The following FGL2 variants were observed in gnomAD, a reference collection of about 807,000 sequenced individuals.
FGL2 encodes fibrinogen like 2.
In FGL2, 21 loss-of-function variants were observed where a neutral mutation model predicts 36.0. The ratio of observed to expected loss-of-function variants is 0.58; its 90% CI spans 0.41 to 0.84. FGL2 has a LOEUF of 0.84. Among genes scored for constraint, FGL2 ranks in the 40% least tolerant of loss-of-function variants. FGL2 has a pLI of 0.00. For missense variants in FGL2, 444 were observed against 526.3 expected (o/e 0.84, Z 1.53); for synonymous variants, 183 against 190.7 (o/e 0.96, Z 0.33).
chr7:77,199,200 T>A lies in FGL2; in HGVS notation c.594A>T (p.Glu198Asp). 6.2e-7 allele frequency: 1 copy of A among 1,613,888 alleles called. No homozygotes were observed. Among genetic ancestry groups the A allele is most frequent in the Non-Finnish European group, 8.5e-7 (1 of 1,179,860 alleles). The change falls in exon 1 of 2, where the codon GAA (glutamate) becomes GAT (aspartate). Residue 198 changes from glutamate (E) to aspartate (D), a missense_variant. Transcript: ENST00000248598. ...DGKCSKCPSQEQIQSRPVQHL... is the reference protein window; with the variant it reads ...DGKCSKCPSQDQIQSRPVQHL... ...ACATACCTGGACGTGACTGTATTTG[T>A]TCTTGGCTGGGACACTTTGAACATT... is the stretch of plus-strand genomic sequence containing the variant.
At chr7:77,197,040 T>C (rs1219085196) in intron 1 of FGL2, 55 bp from the exon 2 acceptor site, 11 of 1,058,696 alleles carry the variant, frequency 1.0e-5, no homozygotes, top group African/African-American at 3.2e-5. Context: ...ACCATGCATC[T>C]GAAGAATTCT....
Position 77,199,800 on chromosome 7 carries a change from A to G in FGL2, c.-7T>C. Reference sequence around the variant, plus strand: ...ACCAGTTAGCCAGCTTCATCTTTACAGTGCTGCTCACCCCAGCAGGGAGTG... The same window carrying G: ...ACCAGTTAGCCAGCTTCATCTTTACGGTGCTGCTCACCCCAGCAGGGAGTG... On this transcript the variant is annotated 5_prime_UTR_variant, in exon 1 of 2. Transcript: ENST00000248598. 2 of 1,611,848 alleles carry G rather than the reference A, an allele frequency of 1.2e-6. No individual in the cohort carries two copies. Among genetic ancestry groups the G allele is most frequent in the Non-Finnish European group, 1.7e-6 (2 of 1,178,528 alleles).
In FGL2 at chr7:77,195,064, A is replaced by G. The variant is rs1791839891; in HGVS notation, c.*1215T>C. 6.6e-6 allele frequency: 1 copy of G among 152,174 alleles called. No homozygotes were observed. Among genetic ancestry groups the G allele is most frequent in the African/African-American group, 2.4e-5 (1 of 41,456 alleles). The allele number at this position is 152,174 out of a possible 1,614,324, so 9.4% of individuals were successfully genotyped here. ...CTGTCCTAGAGAAACTTAGCCTTCT[A>G]TGAAGTGAATCACTTAATGATATTA... is the stretch of plus-strand genomic sequence containing the variant. On this transcript the variant is annotated 3_prime_UTR_variant, in exon 2 of 2. Coordinates refer to ENST00000248598, the MANE Select transcript of FGL2 (RefSeq NM_006682.3).
At position 77,199,203 on chromosome 7, in the gene FGL2, T is replaced by G. The variant is rs1036940273; in HGVS notation, c.591A>C (p.Gln197His). 6.2e-7 allele frequency: 1 copy of G among 1,613,922 alleles called. No individual in the cohort carries two copies. The highest frequency in any genetic ancestry group is 8.5e-7 in the Non-Finnish European group (1 of 1,179,876). The change falls in exon 1 of 2, where the codon CAA becomes CAC. Residue 197 changes from glutamine to histidine, a missense_variant. Physicochemically the swap from Gln to His is conservative, Grantham distance 24. Coordinates refer to ENST00000248598, the MANE Select transcript of FGL2 (RefSeq NM_006682.3). ...LDGKCSKCPS[Q>H]EQIQSRPVQH... The stretch of plus-strand genomic sequence containing the variant: ...TACCTGGACGTGACTGTATTTGTTC[T>G]TGGCTGGGACACTTTGAACATTTGC...
Position 77,194,959 on chromosome 7 carries a change from A to G in FGL2, c.*1320T>C, listed in dbSNP as rs1293716269. ...CTATCTTTTAGTTTCTGATAGTAAA[A>G]TAAGCAATCTACCAGCCAGGGTTGA... On this transcript the variant is annotated 3_prime_UTR_variant, in exon 2 of 2. Coordinates refer to ENST00000248598, the MANE Select transcript of FGL2 (RefSeq NM_006682.3). 6.6e-6 allele frequency: 1 copy of G among 152,202 alleles called. No homozygotes were observed. 9.4% of individuals were successfully genotyped at this position (152,202 alleles called of 1,614,324 possible).
At position 77,193,687 on chromosome 7, in the gene FGL2, G is replaced by A. The variant is rs1412315360; in HGVS notation, c.*2592C>T. On this transcript the variant is annotated 3_prime_UTR_variant, in exon 2 of 2. Coordinates refer to ENST00000248598, the MANE Select transcript of FGL2 (RefSeq NM_006682.3). ...AGCATTACTATTATCAGTAAAATTT[G>A]ATTTTTTTTTCCCCTCAGTCATAGG... 2.0e-5 allele frequency: 3 copies of A among 151,944 alleles called. No homozygotes were observed. Among genetic ancestry groups the A allele is most frequent in the Non-Finnish European group, 4.4e-5 (3 of 67,916 alleles). The allele number at this position is 151,944 out of a possible 1,614,324, so 9.4% of individuals were successfully genotyped here. A position where few individuals can be genotyped will look rare whatever the true frequency, so the allele number is the denominator to read the frequency against.
chr7:77,199,035 G>T, intron 1 of FGL2, 146 bp downstream of exon 1: 1 of 687,872 alleles, frequency 1.5e-6, no homozygotes, highest in South Asian at 1.9e-5. Flanking sequence ...TATTTGAGAA[G>T]ATATTTATTT....
intron 1 of FGL2, among the ~76,000 whole-genome samples, chr7:77,197,853 TA>T (rs1230189268): frequency 1.3e-5 from 2 of 152,184 alleles, no homozygotes; most frequent in African/African-American, 4.8e-5. Context: ...CAGGTGACTA[TA>T]TTGAGGATAA....
intron 1 of FGL2, 25 bp downstream of exon 1, chr7:77,199,153 TATG>T (rs1200350021): frequency 2.5e-6 from 4 of 1,581,900 alleles, no homozygotes; most frequent in Non-Finnish European, 3.4e-6. Flanking sequence ...TTTATGAACA[TATG>T]ATAAGAAAAC....
chr7:77,193,771 T>G lies in FGL2; in HGVS notation c.*2508A>C, dbSNP rs1017352225. ...AGTTTTAGTCAATATTTTCAAGTAA[T>G]CATGACCTCAGAAATAGTCTTAATT... On this transcript the variant is annotated 3_prime_UTR_variant, in exon 2 of 2. Coordinates refer to ENST00000248598, the MANE Select transcript of FGL2 (RefSeq NM_006682.3). 2 of 152,386 alleles carry G rather than the reference T, an allele frequency of 1.3e-5. No individual in the cohort carries two copies. Among genetic ancestry groups the G allele is most frequent in the Non-Finnish European group, 1.5e-5 (1 of 67,976 alleles). 9.4% of individuals were successfully genotyped at this position (152,386 alleles called of 1,614,324 possible).
chr7:77,199,750 G>A lies in FGL2; in HGVS notation c.44C>T (p.Ala15Val), dbSNP rs771312461. 6.2e-7 allele frequency: 1 copy of A among 1,614,072 alleles called. No individual in the cohort carries two copies. The highest frequency in any genetic ancestry group is 1.7e-5 in the Admixed American group (1 of 60,000). The change falls in exon 1 of 2, where the codon GCC (alanine) becomes GTC (valine). Residue 15 changes from alanine to valine, a missense_variant. Ala to Val is a moderately conservative substitution (Grantham distance 64). Coordinates refer to ENST00000248598, the MANE Select transcript of FGL2 (RefSeq NM_006682.3). ...NWYWLSSAVL[A>V]TYGFLVVANN... The stretch of plus-strand genomic sequence containing the variant: ...TGCCACAACCAAAAAACCGTAAGTG[G>A]CAAGAACAGCTGAGCTCAGCCAGTA...
Position 77,199,620 on chromosome 7 carries a change from C to T in FGL2, c.174G>A (p.Gln58=), listed in dbSNP as rs1240319834. ...GAATAGTCAAGGGGGGCAGGCTTAC[C>T]TGGTAGGGGCACTCCCCTGCCTCTT... The part of the protein sequence containing the change: ...KCEEAGECPY[Q]VSLPPLTIQL... Residue 58 remains glutamine, a synonymous_variant, in exon 1 of 2, where the codon CAG becomes CAA. Transcript: ENST00000248598. 9 of 1,614,032 alleles carry T rather than the reference C, an allele frequency of 5.6e-6. No individual in the cohort carries two copies. Among genetic ancestry groups the T allele is most frequent in the African/African-American group, 2.7e-5 (2 of 74,924 alleles).
chr7:77,196,274 G>A lies in FGL2; in HGVS notation c.*5C>T. 6.2e-7 allele frequency: 1 copy of A among 1,604,942 alleles called. No individual in the cohort carries two copies. The highest frequency in any genetic ancestry group is 1.3e-5 in the African/African-American group (1 of 74,772). On this transcript the variant is annotated 3_prime_UTR_variant, in exon 2 of 2. Coordinates refer to ENST00000248598, the MANE Select transcript of FGL2 (RefSeq NM_006682.3). This position sits in a 1 kb window ranked among gnomAD's most constrained non-coding sequence, Gnocchi z 4.2. ...ACGAATACCTGGAGGAATGAACAGA[G>A]TGATTTATGGCTTAAAGTGCTTGGG...
intron 1 of FGL2, chr7:77,198,103 G>A (rs1562830289): frequency 2.0e-6 from 2 of 984,542 alleles, no homozygotes; most frequent in Non-Finnish European, 2.4e-6. Context: ...CTAATCTAAT[G>A]TATACCCACT....
Position 77,196,348 on chromosome 7 carries a change from G to T in FGL2, c.1251C>A (p.His417Gln), listed in dbSNP as rs200580249. Residue 417 changes from histidine (H) to glutamine (Q), a missense_variant, in exon 2 of 2, where the codon CAC becomes CAA. Physicochemically the swap from His to Gln is conservative, Grantham distance 24. Coordinates refer to ENST00000248598, the MANE Select transcript of FGL2 (RefSeq NM_006682.3). This position sits in a 1 kb window ranked among gnomAD's most constrained non-coding sequence, Gnocchi z 4.2. ...TGAAGGAGGACTTGTAGCCACCAGG[G>T]TGTGCCTCACTTACACCAGGCCAGG... ...WGTWPGVSEA[H>Q]PGGYKSSFKE... 5.6e-6 allele frequency: 9 copies of T among 1,614,086 alleles called. No homozygotes were observed. In the East Asian group the frequency reaches 1.6e-4, roughly 28 times the overall value.
Position 77,196,328 on chromosome 7 carries a change from G to A in FGL2, c.1271C>T (p.Ser424Phe). The A allele has an allele frequency of 6.2e-7, 1 of 1,614,094 alleles. No homozygotes were observed. Among genetic ancestry groups the A allele is most frequent in the Non-Finnish European group, 8.5e-7 (1 of 1,180,012 alleles). The part of the protein sequence containing the change: ...SEAHPGGYKS[S>F]FKEAKMMIRP... ...GATCATCATCTTAGCCTCTTTGAAGGAGGACTTGTAGCCACCAGGGTGTGC... is the reference window on the plus strand; with the variant it reads ...GATCATCATCTTAGCCTCTTTGAAGAAGGACTTGTAGCCACCAGGGTGTGC... Residue 424 changes from serine (S) to phenylalanine (F), a missense_variant, in exon 2 of 2, where the codon TCC becomes TTC. Coordinates refer to ENST00000248598, the MANE Select transcript of FGL2 (RefSeq NM_006682.3). This position sits in a 1 kb window ranked among gnomAD's most constrained non-coding sequence, Gnocchi z 4.2.
rs1791848530 is a variant in FGL2 at position 77,195,407 on chromosome 7, T to C, written c.*872A>G. ...CTACCACATTTTTAAACGGTTTAAA[T>C]GACAAGTATTTTATATTTCATGAAT... On this transcript the variant is annotated 3_prime_UTR_variant, in exon 2 of 2. Coordinates refer to ENST00000248598, the MANE Select transcript of FGL2 (RefSeq NM_006682.3). 6.6e-6 allele frequency: 1 copy of C among 152,190 alleles called. No individual in the cohort carries two copies. Among genetic ancestry groups the C allele is most frequent in the Middle Eastern group, 3.2e-3 (1 of 316 alleles). The allele number at this position is 152,190 out of a possible 1,614,324, so 9.4% of individuals were successfully genotyped here.
chr7:77,197,054 T>G, intron 1 of FGL2, 69 bp from the exon 2 acceptor site: 1 of 953,024 alleles, frequency 1.0e-6, no homozygotes, highest in Non-Finnish European at 1.6e-6. Flanking sequence ...GAATTCTTTA[T>G]ATGTACAAAA....
rs868135076 is a variant in FGL2, at chr7:77,199,474, C to T, written c.320G>A (p.Gly107Glu). The T allele has an allele frequency of 1.2e-6, 2 of 1,614,124 alleles. No individual in the cohort carries two copies. Among genetic ancestry groups the T allele is most frequent in the African/African-American group, 2.7e-5 (2 of 75,030 alleles). ...QDCKLQADDN[G>E]DPGRNGLLLP... is the part of the protein sequence containing the mutation. ...CAACAGTCCGTTTCTGCCTGGGTCTCCGTTGTCATCAGCCTGCAGCTTGCA... is the reference window on the plus strand; with the variant it reads ...CAACAGTCCGTTTCTGCCTGGGTCTTCGTTGTCATCAGCCTGCAGCTTGCA... The change falls in exon 1 of 2, where the codon GGA (glycine) becomes GAA (glutamate). Residue 107 changes from glycine to glutamate, a missense_variant. Transcript: ENST00000248598.
Sources: gnomAD v4.1 joint callset for allele counts (sites outside exome capture counted in the v4.1 genomes callset) on GRCh38, gnomAD v4.1.1 for gene constraint, Gnocchi (gnomAD v3.1) non-coding constraint, MANE v1.5 for transcripts, NCBI Gene and HGNC (gene_info 2026-07-23, HGNC 2026-07-21) for gene names.